CNTNAP2: variants seen among roughly 807,000 people sequenced by gnomAD.
CNTNAP2 encodes the protein contactin-associated protein-like 2.
Under a neutral mutation model 155.2 loss-of-function variants are expected in CNTNAP2, and 98 were observed. The ratio of observed to expected loss-of-function variants is 0.63; its 90% CI spans 0.54 to 0.75. The LOEUF is 0.75. CNTNAP2 is among the 30% of genes least tolerant of loss of function. The probability of loss-of-function intolerance (pLI) is 0.00; values close to 1 mark genes in which losing one functional copy is unlikely to be tolerated. For missense variants in CNTNAP2, 1,727 were observed against 1,688.1 expected, an observed-to-expected ratio of 1.02 and a Z score of -0.40; for synonymous variants, 651 against 631.2, an observed-to-expected ratio of 1.03 and a Z score of -0.47.
intron 2 of CNTNAP2, among the ~76,000 whole-genome samples, chr7:146,820,003 T>C (rs1379202256): frequency 1.3e-5 from 2 of 152,218 alleles, no homozygotes; most frequent in African/African-American, 2.4e-5. Context: ...GTAGCAGTTA[T>C]AGTGGTATTT....
chr7:147,472,405 G>A (rs547283253), intron 10 of CNTNAP2, among the ~76,000 whole-genome samples: 156 of 151,910 alleles, frequency 1.0e-3, no homozygotes, highest in Non-Finnish European at 1.8e-3. Context: ...TAGAGATGGG[G>A]TTTCACAACA....
chr7:148,100,117 G>T (rs1014002245), intron 15 of CNTNAP2, among the ~76,000 whole-genome samples: 4 of 151,746 alleles, frequency 2.6e-5, no homozygotes, highest in African/African-American at 9.7e-5. Context: ...TGATCCACTC[G>T]CCTCAGCCTC....
At chr7:147,070,455 G>A (rs915274608) in intron 4 of CNTNAP2, among the ~76,000 whole-genome samples, 58 of 152,172 alleles carry the variant, frequency 3.8e-4, no homozygotes, top group African/African-American at 1.4e-3. Flanking sequence ...CCACACCTAA[G>A]AACGGATATT....
chr7:147,096,026 C>G (rs1251145324), intron 4 of CNTNAP2, among the ~76,000 whole-genome samples: 1 of 152,184 alleles, frequency 6.6e-6, no homozygotes, highest in East Asian at 1.9e-4. Context: ...TAACCATGCT[C>G]TCTCTATTGA....
At chr7:146,316,010 C>G (rs531159948) in intron 1 of CNTNAP2, among the ~76,000 whole-genome samples, 2 of 152,232 alleles carry the variant, frequency 1.3e-5, no homozygotes, top group Non-Finnish European at 2.9e-5. Context: ...TGAAACAAAT[C>G]AAGTAAACTA....
At chr7:147,809,474 CACAACTGGATTG>C (rs1798147394) in intron 13 of CNTNAP2, among the ~76,000 whole-genome samples, 1 of 152,164 alleles carries the variant, frequency 6.6e-6, no homozygotes, top group Non-Finnish European at 1.5e-5. Context: ...GCCCTCTCAG[CACAACTGGATTG>C]AAACTCATCC....
intron 11 of CNTNAP2, among the ~76,000 whole-genome samples, chr7:147,498,915 C>T (rs1168849504): frequency 1.3e-5 from 2 of 151,886 alleles, no homozygotes; most frequent in African/African-American, 2.4e-5. Context: ...CTCACATTGA[C>T]ACTTGATTAA....
chr7:147,094,220 C>A (rs138973731), intron 4 of CNTNAP2, among the ~76,000 whole-genome samples: 3 of 152,130 alleles, frequency 2.0e-5, no homozygotes, highest in African/African-American at 7.2e-5. Flanking sequence ...CTGTCTGAGA[C>A]CTCATCGGAA....
chr7:146,151,682 G>GTGTATATATATATATGTATA (rs1373500780), intron 1 of CNTNAP2, among the ~76,000 whole-genome samples: 1 of 74,124 alleles, frequency 1.3e-5, no homozygotes, highest in Non-Finnish European at 2.8e-5. Context: ...ATATATATAT[G>GTGTATATATATATATGTATA]TATATATATA....
intron 1 of CNTNAP2, among the ~76,000 whole-genome samples, chr7:146,380,857 GC>G (rs1249886654): frequency 2.3e-5 from 3 of 129,984 alleles, no homozygotes; most frequent in East Asian, 4.5e-4. Context: ...GAGTGCAGTG[GC>G]GCAATCTCGG....
intron 1 of CNTNAP2, among the ~76,000 whole-genome samples, chr7:146,698,710 T>A (rs1014793535): frequency 2.0e-5 from 3 of 152,094 alleles, no homozygotes; most frequent in Non-Finnish European, 4.4e-5. Flanking sequence ...TTCCTTCTGT[T>A]CCTTTCTCTC....
chr7:147,524,747 T>A (rs1043953823), intron 11 of CNTNAP2, among the ~76,000 whole-genome samples: 3 of 152,188 alleles, frequency 2.0e-5, no homozygotes, highest in Non-Finnish European at 4.4e-5. Flanking sequence ...GAGTTCCAAT[T>A]CTGCGTTCAT....
chr7:148,119,702 C>T (rs1359875179), intron 16 of CNTNAP2, among the ~76,000 whole-genome samples: 1 of 152,144 alleles, frequency 6.6e-6, no homozygotes, highest in Non-Finnish European at 1.5e-5. Context: ...GTAAATTGCT[C>T]AATCTCTTTG....
intron 9 of CNTNAP2, among the ~76,000 whole-genome samples, chr7:147,363,188 C>T (rs1434133580): frequency 6.6e-6 from 1 of 152,068 alleles, no homozygotes; most frequent in African/African-American, 2.4e-5. Context: ...GGGATTAGCA[C>T]TCCTATAAAA....
At chr7:146,180,387 T>G (rs1798533234) in intron 1 of CNTNAP2, among the ~76,000 whole-genome samples, 1 of 139,592 alleles carries the variant, frequency 7.2e-6, no homozygotes, top group African/African-American at 2.9e-5. Flanking sequence ...CCTTTTAATT[T>G]ATTTTTTAAA....
At chr7:146,721,166 CTCTA>C (rs1801294632) in intron 1 of CNTNAP2, among the ~76,000 whole-genome samples, 1 of 130,314 alleles carries the variant, frequency 7.7e-6, no homozygotes, top group Non-Finnish European at 1.6e-5. Flanking sequence ...TATATATTCT[CTCTA>C]TATATTCCAT....
chr7:148,336,059 G>T (rs1213141373), intron 21 of CNTNAP2, among the ~76,000 whole-genome samples: 2 of 151,924 alleles, frequency 1.3e-5, no homozygotes, highest in Non-Finnish European at 2.9e-5. Context: ...TACATTGTTT[G>T]GTTTAAGTAA....
chr7:147,072,562 G>C (rs1042262920), intron 4 of CNTNAP2, among the ~76,000 whole-genome samples: 1 of 152,146 alleles, frequency 6.6e-6, no homozygotes, highest in Non-Finnish European at 1.5e-5. Flanking sequence ...GCCTAGACTA[G>C]GATGGTGGTA....
At chr7:147,717,874 C>T (rs1210995083) in intron 13 of CNTNAP2, among the ~76,000 whole-genome samples, 1 of 151,758 alleles carries the variant, frequency 6.6e-6, no homozygotes, top group Non-Finnish European at 1.5e-5. Flanking sequence ...GAGTGAAAAC[C>T]CGTCTCAAAT....
Sources: allele counts gnomAD v4.1 joint callset (sites outside exome capture counted in the v4.1 genomes callset), GRCh38; gene constraint gnomAD v4.1.1; transcripts MANE v1.5; gene names NCBI Gene and HGNC (gene_info 2026-07-23, HGNC 2026-07-21).